FRMPD2: variants seen among roughly 807,000 people sequenced by gnomAD.
The protein encoded by FRMPD2 is FERM and PDZ domain containing 2, also known as FERM and PDZ domain-containing protein 2.
FRMPD2 carries 96 observed loss-of-function variants against 140.1 expected under a neutral mutation model. That is an observed-to-expected ratio of 0.69 (90% confidence interval 0.58 to 0.81). FRMPD2 has a LOEUF of 0.81. FRMPD2 is among the 40% of genes least tolerant of loss of function. FRMPD2 has a pLI of 0.00. For synonymous variants in FRMPD2, 449 were observed against 547.6 expected (o/e 0.82, Z 2.52); for missense variants, 1,240 against 1,447.4 (o/e 0.86, Z 2.32).
At chr10:48,246,374 C>T (rs1473259697) in intron 3 of FRMPD2, among the ~76,000 whole-genome samples, 1 of 152,254 alleles carries the variant, frequency 6.6e-6, no homozygotes, top group Non-Finnish European at 1.5e-5. Flanking sequence ...TAGGGCAAGG[C>T]CTTGGCCACA....
intron 22 of FRMPD2, chr10:48,177,311 C>T (rs1290766558): frequency 1.3e-5 from 2 of 151,072 alleles, no homozygotes; most frequent in Middle Eastern, 3.2e-3. Context: ...TGGGGTTTCA[C>T]CATGTTAGCC....
rs181323473 is a variant in FRMPD2, at chr10:48,250,667, C to T, written c.151+899G>A. 2.0e-3 allele frequency among the ~76,000 whole-genome samples: 297 copies of T among 152,262 alleles called. 1 individual carries two copies. Among genetic ancestry groups the T allele is most frequent in the Non-Finnish European group, 3.5e-3 (238 of 68,026 alleles). On this transcript the variant is annotated intron_variant, in intron 2 of 28. Transcript: ENST00000374201. ...AGGTGATCCACCCGCCTCGGTCTCCCAAAGTGCTGGGATTACATGAGTAAG... is the reference window on the plus strand; with the variant it reads ...AGGTGATCCACCCGCCTCGGTCTCCTAAAGTGCTGGGATTACATGAGTAAG...
intron 9 of FRMPD2, among the ~76,000 whole-genome samples, chr10:48,233,061 G>A (rs1839888291): frequency 6.6e-6 from 1 of 152,184 alleles, no homozygotes; most frequent in Non-Finnish European, 1.5e-5. Context: ...CTTGTCTGTG[G>A]CTCTTCCTGA....
intron 4 of FRMPD2, 47 bp from the exon 5 acceptor site, chr10:48,242,399 C>A (rs779114289): frequency 1.9e-6 from 3 of 1,564,268 alleles, no homozygotes; most frequent in African/African-American, 1.4e-5. Flanking sequence ...CCAGAGCTGC[C>A]ACTACGAGGC....
At chr10:48,180,395 T>G (rs1410690704) in intron 21 of FRMPD2, among the ~76,000 whole-genome samples, 2 of 152,076 alleles carry the variant, frequency 1.3e-5, no homozygotes, top group African/African-American at 4.8e-5. Context: ...TGGGGTATGG[T>G]CAAGAGCAAA....
At chr10:48,209,907 T>C (rs1402660471) in intron 13 of FRMPD2, among the ~76,000 whole-genome samples, 1 of 152,138 alleles carries the variant, frequency 6.6e-6, no homozygotes, top group African/African-American at 2.4e-5. Context: ...TAGAGTACAA[T>C]ATATGTTAAT....
At position 48,174,841 on chromosome 10, in the gene FRMPD2, G is replaced by A. The variant is rs550192493; in HGVS notation, c.3075+29C>T. 12 of 628,520 alleles carry A rather than the reference G, an allele frequency of 1.9e-5. No individual in the cohort carries two copies. In the South Asian group the frequency reaches 2.1e-4, roughly 11 times the overall value. The allele number at this position is 628,520 out of a possible 1,614,324, so 38.9% of individuals were successfully genotyped here. On this transcript the variant is annotated intron_variant, in intron 24 of 28. Coordinates refer to ENST00000374201, the MANE Select transcript of FRMPD2 (RefSeq NM_001018071.4). Reference sequence around the variant, plus strand: ...TTGTTCAGGAAAGTTCCGGAAGGAGGGGAAGCTGGTCAGCAACAGTCCACT... The same window carrying A: ...TTGTTCAGGAAAGTTCCGGAAGGAGAGGAAGCTGGTCAGCAACAGTCCACT...
At position 48,156,930 on chromosome 10, in the gene FRMPD2, A is replaced by G. The variant is rs1837792945; in HGVS notation, c.*392T>C. On this transcript the variant is annotated 3_prime_UTR_variant, in exon 29 of 29. Coordinates refer to ENST00000374201, the MANE Select transcript of FRMPD2 (RefSeq NM_001018071.4). ...TCCTGGTATGGGGTAAGTTTTTAGT[A>G]AATGTGAGATGCTGTGATTAGTACT... 1 of 193,332 alleles carries G rather than the reference A, an allele frequency of 5.2e-6. No individual in the cohort carries two copies. The highest frequency in any genetic ancestry group is 2.4e-5 in the African/African-American group (1 of 41,598). The allele number at this position is 193,332 out of a possible 1,614,324, so 12.0% of individuals were successfully genotyped here.
intron 15 of FRMPD2, among the ~76,000 whole-genome samples, chr10:48,194,880 T>C (rs947799426): frequency 7.9e-5 from 12 of 151,980 alleles, no homozygotes; most frequent in Non-Finnish European, 1.5e-4. Flanking sequence ...TGGAAGGTGG[T>C]AGAGCCAAAA....
chr10:48,204,283 C>A (rs768861145), intron 14 of FRMPD2, among the ~76,000 whole-genome samples: 90 of 152,168 alleles, frequency 5.9e-4, no homozygotes, highest in Non-Finnish European at 1.1e-3. Context: ...ACCGCATTAT[C>A]AACACATGAC....
intron 3 of FRMPD2, among the ~76,000 whole-genome samples, chr10:48,247,367 G>T (rs941654212): frequency 6.6e-6 from 1 of 152,206 alleles, no homozygotes; most frequent in Admixed American, 6.5e-5. Flanking sequence ...CTGAGGCAAG[G>T]GTTAAGTGCA....
chr10:48,228,089 G>T (rs1367748572), intron 10 of FRMPD2, among the ~76,000 whole-genome samples: 4 of 152,042 alleles, frequency 2.6e-5, no homozygotes, highest in Non-Finnish European at 4.4e-5. Context: ...GTTAAAAAAA[G>T]CCATATGTTT....
intron 12 of FRMPD2, among the ~76,000 whole-genome samples, chr10:48,221,524 C>T (rs1231145654): frequency 6.6e-6 from 1 of 152,114 alleles, no homozygotes; most frequent in African/African-American, 2.4e-5. Context: ...TTTCAGTAAT[C>T]AACACTAAAA....
At chr10:48,181,858 CATATATATAT>C (rs35165586) in intron 20 of FRMPD2, among the ~76,000 whole-genome samples, 3 of 79,796 alleles carry the variant, frequency 3.8e-5, no homozygotes, top group East Asian at 3.5e-4. Context: ...TATATTCCCT[CATATATATAT>C]ATATATATAT....
intron 12 of FRMPD2, among the ~76,000 whole-genome samples, chr10:48,213,715 A>G (rs1189438650): frequency 6.6e-6 from 1 of 152,252 alleles, no homozygotes; most frequent in Admixed American, 6.5e-5. Context: ...AGGTGAAAGA[A>G]GTAGGTCTGT....
intron 9 of FRMPD2, among the ~76,000 whole-genome samples, chr10:48,234,696 C>G (rs1477040282): frequency 2.0e-5 from 3 of 152,094 alleles, no homozygotes; most frequent in African/African-American, 7.2e-5. Context: ...ACTGAGGGAG[C>G]CCTCAGTCAC....
At chr10:48,263,354 A>G (rs968669985) in intron 1 of FRMPD2, among the ~76,000 whole-genome samples, 2 of 152,132 alleles carry the variant, frequency 1.3e-5, no homozygotes, top group Non-Finnish European at 2.9e-5. Flanking sequence ...AAAACAATAG[A>G]GAAAATCAAC....
chr10:48,184,541 C>T, intron 20 of FRMPD2, 25 bp downstream of exon 20: 1 of 1,455,260 alleles, frequency 6.9e-7, no homozygotes, highest in East Asian at 2.3e-5. Context: ...GCCTCTTAAG[C>T]TCCCAAGAGT....
intron 20 of FRMPD2, among the ~76,000 whole-genome samples, chr10:48,183,235 A>G (rs1304215474): frequency 1.3e-5 from 2 of 152,058 alleles, no homozygotes; most frequent in African/African-American, 4.8e-5. Context: ...ACTGTACAAC[A>G]CCCCTCAAGT....
Sources: gnomAD v4.1 joint callset for allele counts (sites outside exome capture counted in the v4.1 genomes callset) on GRCh38, gnomAD v4.1.1 for gene constraint, MANE v1.5 for transcripts, NCBI Gene and HGNC (gene_info 2026-07-23, HGNC 2026-07-21) for gene names.